The following SLIT2 variants were observed in gnomAD, a reference collection of about 807,000 sequenced individuals.
The protein encoded by SLIT2 is slit homolog 2 protein.
Under a neutral mutation model 185.7 loss-of-function variants are expected in SLIT2, and 41 were observed. That is an observed-to-expected ratio of 0.22 (90% confidence interval 0.17 to 0.29). The LOEUF is 0.29. Among genes scored for constraint, SLIT2 ranks in the 10% least tolerant of loss-of-function variants. The pLI is 1.00. For synonymous variants in SLIT2, 693 were observed against 680.2 expected (o/e 1.02, Z -0.29); for missense variants, 1,571 against 1,909.0 (o/e 0.82, Z 3.30).
At chr4:20,434,560 A>G (rs1294829115) in intron 4 of SLIT2, among the ~76,000 whole-genome samples, 1 of 152,210 alleles carries the variant, frequency 6.6e-6, no homozygotes, top group Non-Finnish European at 1.5e-5. Flanking sequence ...GCACTTCACC[A>G]TTAAAACAAG....
chr4:20,401,871 G>A (rs1251636170), intron 4 of SLIT2, among the ~76,000 whole-genome samples: 1 of 151,876 alleles, frequency 6.6e-6, no homozygotes, highest in African/African-American at 2.4e-5. Context: ...ATAAATCTTA[G>A]TTTATAAAAA....
intron 12 of SLIT2, among the ~76,000 whole-genome samples, chr4:20,520,319 T>G (rs1301390114): frequency 5.3e-5 from 8 of 152,172 alleles, no homozygotes; most frequent in Admixed American, 5.2e-4. Context: ...TGCATGCCCA[T>G]ATGAAAAGTA....
At chr4:20,290,823 A>AT (rs1008818442) in intron 4 of SLIT2, among the ~76,000 whole-genome samples, 1 of 140,304 alleles carries the variant, frequency 7.1e-6, no homozygotes, top group Non-Finnish European at 1.5e-5. Flanking sequence ...TTAATATCTT[A>AT]TTTTTTTCTG....
chr4:20,350,469 T>C (rs917159527), intron 4 of SLIT2, among the ~76,000 whole-genome samples: 3 of 152,204 alleles, frequency 2.0e-5, no homozygotes, highest in African/African-American at 7.2e-5. Flanking sequence ...ATATTATCAT[T>C]ATATCACTAT....
chr4:20,518,255 A>AT (rs1260071971), intron 11 of SLIT2, among the ~76,000 whole-genome samples: 2,323 of 87,468 alleles, frequency 0.027, 101 homozygotes, highest in East Asian at 0.069. Context: ...ATATATATAT[A>AT]TTTTTTTTTT....
chr4:20,541,352 C>T (rs1400423502), intron 19 of SLIT2, 101 bp from the exon 20 acceptor site: 6 of 943,868 alleles, frequency 6.4e-6, no homozygotes, highest in Non-Finnish European at 8.1e-6. Context: ...AAGAAGGAAT[C>T]ATTCCAGCGG....
chr4:20,280,889 A>G (rs913641823), intron 4 of SLIT2, among the ~76,000 whole-genome samples: 2 of 147,806 alleles, frequency 1.4e-5, no homozygotes, highest in Admixed American at 6.8e-5. Flanking sequence ...TTGGAGTGCA[A>G]TGGCGTGATC....
chr4:20,511,024 G>A lies in SLIT2; in HGVS notation c.987-42G>A, dbSNP rs182456287. The A allele has an allele frequency of 2.0e-3, 2,446 of 1,252,540 alleles. 6 individuals carry two copies. Among genetic ancestry groups the A allele is most frequent in the Non-Finnish European group, 2.7e-3 (2,262 of 852,564 alleles). The allele number at this position is 1,252,540 out of a possible 1,614,324, so 77.6% of individuals were successfully genotyped here. On this transcript the variant is annotated intron_variant, in intron 10 of 36. Coordinates refer to ENST00000504154, the MANE Select transcript of SLIT2 (RefSeq NM_004787.4). ...AGCTTTTTCCGCAGTAAATCTCACTGACATTTGATTGAATGTAACCTAACC... is the reference window on the plus strand; with the variant it reads ...AGCTTTTTCCGCAGTAAATCTCACTAACATTTGATTGAATGTAACCTAACC...
intron 9 of SLIT2, among the ~76,000 whole-genome samples, chr4:20,494,575 G>T (rs1718058013): frequency 6.6e-6 from 1 of 152,096 alleles, no homozygotes; most frequent in Non-Finnish European, 1.5e-5. Flanking sequence ...AGGAGATCCA[G>T]ACCATCCTGG....
At chr4:20,388,842 T>A (rs934872472) in intron 4 of SLIT2, among the ~76,000 whole-genome samples, 209 of 144,610 alleles carry the variant, frequency 1.4e-3, no homozygotes, top group Non-Finnish European at 2.2e-3. Flanking sequence ...ATAATATATA[T>A]AAAATATGTA....
intron 4 of SLIT2, among the ~76,000 whole-genome samples, chr4:20,456,300 A>G (rs560911193): frequency 6.6e-6 from 1 of 152,174 alleles, no homozygotes; most frequent in Non-Finnish European, 1.5e-5. Flanking sequence ...TGCAGCAAAC[A>G]CTATTTTCTT....
At chr4:20,338,321 T>G (rs1720676785) in intron 4 of SLIT2, among the ~76,000 whole-genome samples, 1 of 152,154 alleles carries the variant, frequency 6.6e-6, no homozygotes, top group Non-Finnish European at 1.5e-5. Flanking sequence ...ACGTTAGTGG[T>G]CAGAATGACT....
chr4:20,588,708 C>A (rs554140686), intron 29 of SLIT2, among the ~76,000 whole-genome samples: 16 of 152,152 alleles, frequency 1.1e-4, no homozygotes, highest in African/African-American at 3.9e-4. Context: ...TACATTTGGT[C>A]TAATGTATGT....
intron 4 of SLIT2, among the ~76,000 whole-genome samples, chr4:20,319,874 T>G (rs1468786597): frequency 1.3e-5 from 2 of 151,664 alleles, no homozygotes; most frequent in East Asian, 3.9e-4. Flanking sequence ...TATCTTTGAA[T>G]AGCCCTGGTT....
At chr4:20,515,308 A>G (rs997565247) in intron 11 of SLIT2, among the ~76,000 whole-genome samples, 8 of 152,222 alleles carry the variant, frequency 5.3e-5, no homozygotes, top group African/African-American at 1.7e-4. Context: ...AGCAATTTGT[A>G]TGTTTCTGGA....
intron 4 of SLIT2, among the ~76,000 whole-genome samples, chr4:20,305,950 G>A (rs995803622): frequency 1.3e-5 from 2 of 150,496 alleles, no homozygotes; most frequent in Non-Finnish European, 3.0e-5. Context: ...TGCCCACATA[G>A]GTTAGCGTTA....
intron 4 of SLIT2, among the ~76,000 whole-genome samples, chr4:20,322,953 A>G (rs1352382495): frequency 6.6e-6 from 1 of 152,176 alleles, no homozygotes; most frequent in Non-Finnish European, 1.5e-5. Flanking sequence ...GTTGAGTACC[A>G]TTTTAAAAAT....
Position 20,542,603 on chromosome 4 carries a change from T to C in SLIT2, c.2253T>C (p.Gly751=), listed in dbSNP as rs1465325768. 1.9e-6 allele frequency: 3 copies of C among 1,613,890 alleles called. No individual in the cohort carries two copies. Among genetic ancestry groups the C allele is most frequent in the South Asian group, 1.1e-5 (1 of 91,068 alleles). The change falls in exon 21 of 37, where the codon GGT becomes GGC. Residue 751 remains glycine (G), a synonymous_variant. Transcript: ENST00000504154. ...AGGGTTTGAAGGTCTTGCCGAAAGG[T>C]ATTCCAAGAGATGTCACAGAGTTGT... ...SNKGLKVLPK[G]IPRDVTELYL... is the part of the protein sequence containing the mutation.
intron 4 of SLIT2, among the ~76,000 whole-genome samples, chr4:20,418,704 A>G (rs532277834): frequency 1.3e-5 from 2 of 152,324 alleles, no homozygotes; most frequent in African/African-American, 4.8e-5. Flanking sequence ...ATTAGGATTG[A>G]GAACAACTCT....
Sources: allele counts gnomAD v4.1 joint callset (sites outside exome capture counted in the v4.1 genomes callset), GRCh38; gene constraint gnomAD v4.1.1; transcripts MANE v1.5; gene names NCBI Gene and HGNC (gene_info 2026-07-23, HGNC 2026-07-21).